Variants in DNAH6 observed in about 807,000 individuals in gnomAD.
The protein encoded by DNAH6 is axonemal beta dynein heavy chain 6.
Under a neutral mutation model 491.4 loss-of-function variants are expected in DNAH6, and 340 were observed. The observed-to-expected ratio is 0.69, with a 90% CI of 0.63 to 0.76. The LOEUF (loss-of-function observed/expected upper bound fraction) is 0.76, where lower values mean the gene tolerates loss of function less well. Among genes scored for constraint, DNAH6 ranks in the 30% least tolerant of loss-of-function variants. The pLI is 0.00. For synonymous variants in DNAH6, 1,603 were observed against 1,686.1 expected, an observed-to-expected ratio of 0.95 and a Z score of 1.21; for missense variants, 4,443 against 4,972.2, an observed-to-expected ratio of 0.89 and a Z score of 3.20.
intron 62 of DNAH6, among the ~76,000 whole-genome samples, chr2:84,740,757 T>C (rs1672450212): frequency 6.6e-6 from 1 of 152,200 alleles, no homozygotes; most frequent in Non-Finnish European, 1.5e-5. Context: ...GTTGCAAAGC[T>C]GTCTCTGACT....
intron 10 of DNAH6, among the ~76,000 whole-genome samples, chr2:84,553,373 CTTTCTTTCTTTCTT>C (rs1354438763): frequency 2.7e-4 from 10 of 37,580 alleles, no homozygotes; most frequent in African/African-American, 1.3e-3. Context: ...TCTTTTCTTT[CTTTCTTTCTTTCTT>C]TCTTTCTTTC....
At chr2:84,674,049 A>C (rs1447305843) in intron 40 of DNAH6, among the ~76,000 whole-genome samples, 1 of 152,212 alleles carries the variant, frequency 6.6e-6, no homozygotes, top group Non-Finnish European at 1.5e-5. Flanking sequence ...TGTTCTGGAG[A>C]AACCAACACC....
At chr2:84,600,031 T>C (rs1685066252) in intron 18 of DNAH6, among the ~76,000 whole-genome samples, 1 of 152,210 alleles carries the variant, frequency 6.6e-6, no homozygotes, top group African/African-American at 2.4e-5. Context: ...CATTCTGCTG[T>C]TGCTCAGTGA....
chr2:84,477,122 A>T, the DNAH6 span, among the ~76,000 whole-genome samples: 1 of 152,216 alleles, frequency 6.6e-6, no homozygotes. Context: ...CCAGGGGGCC[A>T]TTGCAATTGT....
At position 84,697,559 on chromosome 2, in the gene DNAH6, C is replaced by T. The variant is rs1695508770; in HGVS notation, c.7525-16C>T. ...ATGATTGAGCAAGTTGTAATGATCACTGCTTTCTTCTACAGATTGTAGTGG... is the reference window on the plus strand; with the variant it reads ...ATGATTGAGCAAGTTGTAATGATCATTGCTTTCTTCTACAGATTGTAGTGG... On this transcript the variant is annotated splice_polypyrimidine_tract_variant and intron_variant, in intron 46 of 76. Transcript: ENST00000389394. 1 of 1,542,606 alleles carries T rather than the reference C, an allele frequency of 6.5e-7. No individual in the cohort carries two copies. The highest frequency in any genetic ancestry group is 8.7e-7 in the Non-Finnish European group (1 of 1,142,982).
chr2:84,466,533 G>GA, the DNAH6 span, among the ~76,000 whole-genome samples: 1 of 152,112 alleles, frequency 6.6e-6, no homozygotes, highest in East Asian at 1.9e-4. Context: ...CCTCGATTCT[G>GA]AAAAACAAAA....
intron 63 of DNAH6, among the ~76,000 whole-genome samples, chr2:84,761,791 C>T (rs867920575): frequency 7.4e-6 from 1 of 134,634 alleles, no homozygotes; most frequent in Non-Finnish European, 1.5e-5. Context: ...CACACACATA[C>T]ACACACACAC....
chr2:84,601,677 T>G (rs1685259266), intron 18 of DNAH6, among the ~76,000 whole-genome samples: 1 of 152,040 alleles, frequency 6.6e-6, no homozygotes, highest in Admixed American at 6.5e-5. Context: ...TCTTAGTCCC[T>G]TAACAGGTGT....
intron 23 of DNAH6, among the ~76,000 whole-genome samples, chr2:84,618,277 A>G (rs1351864186): frequency 6.6e-6 from 1 of 152,128 alleles, no homozygotes; most frequent in Non-Finnish European, 1.5e-5. Context: ...TTCCTGCAAC[A>G]AGAAAGGGAG....
intron 29 of DNAH6, among the ~76,000 whole-genome samples, chr2:84,633,164 G>A (rs1203128235): frequency 6.6e-6 from 1 of 152,270 alleles, no homozygotes; most frequent in East Asian, 1.9e-4. Context: ...TCCTTCTAAA[G>A]TAGTACATTT....
the DNAH6 span, among the ~76,000 whole-genome samples, chr2:84,509,595 G>A: frequency 6.6e-6 from 1 of 152,150 alleles, no homozygotes; most frequent in African/African-American, 2.4e-5. Flanking sequence ...ATATTGTTAT[G>A]TGTGAATTTG....
chr2:84,693,735 C>CAA (rs33923012), intron 45 of DNAH6, among the ~76,000 whole-genome samples: 58 of 133,802 alleles, frequency 4.3e-4, no homozygotes, highest in African/African-American at 1.1e-3. Flanking sequence ...GACTCTATCT[C>CAA]AAAAAAAAAA....
rs1696915310 is a variant in DNAH6, at chr2:84,710,348, A to T, written c.9314A>T (p.Asp3105Val). The T allele has an allele frequency of 2.6e-6, 4 of 1,551,652 alleles. No individual in the cohort carries two copies. Among genetic ancestry groups the T allele is most frequent in the Non-Finnish European group, 3.5e-6 (4 of 1,146,988 alleles). Residue 3105 changes from aspartate to valine, a missense_variant, in exon 56 of 77, where the codon GAT becomes GTT. Asp to Val is a radical substitution (Grantham distance 152). This residue lies in a region of DNAH6 where 1,463 missense variants were observed against 1,656.6 expected (regional missense o/e 0.88). Transcript: ENST00000389394. ...KSGLKIIKLT[D>V]SNFLRILENS... ...GGTTTAAAGATCATTAAGCTTACAG[A>T]TAGTAATTTCTTACGAATACTCGAG...
chr2:84,639,501 C>T (rs1689188817), intron 31 of DNAH6, among the ~76,000 whole-genome samples: 1 of 151,214 alleles, frequency 6.6e-6, no homozygotes, highest in African/African-American at 2.4e-5. Flanking sequence ...TCACTGCAAC[C>T]TCCATCTCCC....
chr2:84,664,163 A>G (rs140043490), intron 37 of DNAH6, among the ~76,000 whole-genome samples: 1,786 of 152,280 alleles, frequency 0.012, 36 homozygotes, highest in African/African-American at 0.039. Flanking sequence ...AGTAAACATC[A>G]TCGAGGCTAG....
At chr2:84,781,195 G>C (rs1676658238) in intron 64 of DNAH6, among the ~76,000 whole-genome samples, 1 of 152,186 alleles carries the variant, frequency 6.6e-6, no homozygotes, top group Non-Finnish European at 1.5e-5. Flanking sequence ...CATTGCGGTG[G>C]AGAGAGGCAT....
chr2:84,658,987 T>C (rs748546608), intron 36 of DNAH6, 39 bp from the exon 37 acceptor site: 36 of 1,207,594 alleles, frequency 3.0e-5, no homozygotes, highest in African/African-American at 4.7e-5. Context: ...TTTATGTTCA[T>C]ATATAAAATA....
In DNAH6 at chr2:84,602,481, CCT is replaced by C. The variant is rs1685340388; in HGVS notation, c.2869-1857_2869-1856del. On this transcript the variant is annotated intron_variant, in intron 18 of 76. Transcript: ENST00000389394. ...CTCATTGTTCTATAGATGTTGTGTC[CCT>C]TTTTTTTTTTTTTTTTTTTTTTTTT... Among the ~76,000 whole-genome samples the C allele has an allele frequency of 5.0e-5, 5 of 99,442 alleles. No individual in the cohort carries two copies. The South Asian group carries it at 1.2e-3, about 24-fold the overall frequency. 65.2% of individuals were successfully genotyped at this position (99,442 alleles called of 152,430 possible).
chr2:84,655,800 T>C (rs1690908582), intron 35 of DNAH6, among the ~76,000 whole-genome samples: 1 of 152,150 alleles, frequency 6.6e-6, no homozygotes, highest in South Asian at 2.1e-4. Context: ...GCATAAATGG[T>C]GAACCACTAT....
Sources: gnomAD v4.1 joint callset for allele counts (sites outside exome capture counted in the v4.1 genomes callset) on GRCh38, gnomAD v4.1.1 for gene constraint, gnomAD v4.1.1 regional missense constraint, MANE v1.5 for transcripts, NCBI Gene and HGNC (gene_info 2026-07-23, HGNC 2026-07-21) for gene names.